PLOD2: variants seen among roughly 807,000 people sequenced by gnomAD.
The protein encoded by PLOD2 is procollagen-lysine,2-oxoglutarate 5-dioxygenase 2, also known as lysine hydroxylase 2.
PLOD2 carries 65 observed loss-of-function variants against 101.0 expected under a neutral mutation model. The ratio of observed to expected loss-of-function variants is 0.64; its 90% CI spans 0.53 to 0.79. The LOEUF is 0.79. PLOD2 is among the 30% of genes least tolerant of loss of function. The pLI is 0.00. For missense variants in PLOD2, 909 were observed against 914.6 expected (o/e 0.99, Z 0.08); for synonymous variants, 314 against 302.9 (o/e 1.04, Z -0.38).
intron 7 of PLOD2, among the ~76,000 whole-genome samples, chr3:146,101,498 T>C (rs1937388897): frequency 6.6e-6 from 1 of 152,176 alleles, no homozygotes; most frequent in Non-Finnish European, 1.5e-5. Flanking sequence ...AATCAATGAA[T>C]TGTCAGATGC....
At chr3:146,110,538 T>A in intron 3 of PLOD2, 90 bp from the exon 4 acceptor site, 1 of 1,029,852 alleles carries the variant, frequency 9.7e-7, no homozygotes, top group Admixed American at 2.2e-5. Flanking sequence ...AAAGTCAGAA[T>A]CAAGAATACA....
At chr3:146,081,216 C>A (rs1936528410) in intron 12 of PLOD2, among the ~76,000 whole-genome samples, 1 of 152,026 alleles carries the variant, frequency 6.6e-6, no homozygotes, top group African/African-American at 2.4e-5. Flanking sequence ...CAAATATATT[C>A]TTTTCAATCT....
intron 1 of PLOD2, among the ~76,000 whole-genome samples, chr3:146,147,673 C>A (rs537155856): frequency 6.6e-6 from 1 of 152,228 alleles, no homozygotes; most frequent in South Asian, 2.1e-4. Context: ...CCAGGGGGGA[C>A]AAAACCACTG....
At chr3:146,098,757 T>C (rs1937286945) in intron 7 of PLOD2, among the ~76,000 whole-genome samples, 2 of 152,114 alleles carry the variant, frequency 1.3e-5, no homozygotes, top group African/African-American at 4.8e-5. Context: ...CTTAAATGTT[T>C]AGTTCAATAT....
intron 1 of PLOD2, among the ~76,000 whole-genome samples, chr3:146,133,045 T>G (rs35520151): frequency 0.037 from 5,627 of 152,064 alleles, 170 homozygotes; most frequent in Non-Finnish European, 0.05. Flanking sequence ...GTGTGGTGGC[T>G]GGCACCTGTA....
chr3:146,103,681 C>T (rs1033943350), intron 6 of PLOD2, among the ~76,000 whole-genome samples: 1 of 151,914 alleles, frequency 6.6e-6, no homozygotes, highest in Non-Finnish European at 1.5e-5. Flanking sequence ...GCAATATATT[C>T]TCAATTTTTA....
rs1242513521 is a variant in PLOD2 at position 146,084,104 on chromosome 3, A to T, written c.1232+1065T>A. On this transcript the variant is annotated intron_variant, in intron 11 of 19. Transcript: ENST00000282903. ...GAAAACAATGCAAATTCAAGAAAAT[A>T]GTACTGAATTAAACTAGGTTTTAAG... is the stretch of plus-strand genomic sequence containing the variant. 3.3e-5 allele frequency among the ~76,000 whole-genome samples: 5 copies of T among 152,248 alleles called. No homozygotes were observed. The East Asian group carries it at 9.6e-4, about 29-fold the overall frequency.
chr3:146,127,152 T>C (rs1035920982), intron 1 of PLOD2, among the ~76,000 whole-genome samples: 16 of 152,226 alleles, frequency 1.1e-4, no homozygotes, highest in Non-Finnish European at 1.0e-4. Context: ...TGAGCTCAGC[T>C]GAATAGTTCT....
chr3:146,095,883 C>G (rs1937133975), intron 7 of PLOD2, among the ~76,000 whole-genome samples: 1 of 139,834 alleles, frequency 7.2e-6, no homozygotes, highest in African/African-American at 2.7e-5. Context: ...CCCCTCTCCC[C>G]TCTCCCCTCT....
At chr3:146,155,548 T>TA (rs35423942) in intron 1 of PLOD2, among the ~76,000 whole-genome samples, 47,239 of 146,040 alleles carry the variant, frequency 0.32, 7,669 homozygotes, top group South Asian at 0.41. Flanking sequence ...CCATCTCTAC[T>TA]AAAAAAAAAA....
At chr3:146,111,289 G>T (rs1937628020) in intron 3 of PLOD2, among the ~76,000 whole-genome samples, 1 of 152,024 alleles carries the variant, frequency 6.6e-6, no homozygotes, top group African/African-American at 2.4e-5. Flanking sequence ...ATAAATTAAT[G>T]ACTTACCATC....
At chr3:146,073,189 T>C in intron 16 of PLOD2, 98 bp downstream of exon 16, 1 of 567,614 alleles carries the variant, frequency 1.8e-6, no homozygotes, top group Non-Finnish European at 3.2e-6. Context: ...AAAAGGTAGT[T>C]TCTCCACTTT....
chr3:146,154,028 C>T (rs2032190027), intron 1 of PLOD2, among the ~76,000 whole-genome samples: 1 of 151,946 alleles, frequency 6.6e-6, no homozygotes, highest in Admixed American at 6.6e-5. Context: ...GTCTTATGCA[C>T]ACAAGATAAT....
intron 1 of PLOD2, among the ~76,000 whole-genome samples, chr3:146,129,540 G>A (rs2108107002): frequency 6.6e-6 from 1 of 152,174 alleles, no homozygotes; most frequent in South Asian, 2.1e-4. Context: ...GTCTGTAATA[G>A]CATCTACCTG....
intron 7 of PLOD2, among the ~76,000 whole-genome samples, chr3:146,100,880 G>C (rs918505024): frequency 2.6e-5 from 4 of 151,972 alleles, no homozygotes; most frequent in Non-Finnish European, 5.9e-5. Flanking sequence ...CAGGGTTTCT[G>C]CTTTGGCAGA....
At chr3:146,127,677 T>G (rs2030653243) in intron 1 of PLOD2, among the ~76,000 whole-genome samples, 1 of 152,144 alleles carries the variant, frequency 6.6e-6, no homozygotes, top group Admixed American at 6.6e-5. Flanking sequence ...CTTCTTTCCC[T>G]TTGAGTAGAT....
chr3:146,155,714 CA>C (rs766107067), intron 1 of PLOD2, among the ~76,000 whole-genome samples: 213 of 54,086 alleles, frequency 3.9e-3, no homozygotes, highest in South Asian at 0.01. Context: ...GACTCTGTCT[CA>C]AAAAAAAAAA....
chr3:146,071,192 G>T, intron 18 of PLOD2, 25 bp from the exon 19 acceptor site: 1 of 1,610,736 alleles, frequency 6.2e-7, no homozygotes, highest in Non-Finnish European at 8.5e-7. Flanking sequence ...TAAGCCAGTG[G>T]ATTTGCTTAT....
chr3:146,114,028 A>G (rs767713918), intron 3 of PLOD2, among the ~76,000 whole-genome samples: 30 of 151,994 alleles, frequency 2.0e-4, no homozygotes, highest in Non-Finnish European at 4.0e-4. Context: ...ATAAGGGATG[A>G]AATAGCCCCA....
Sources: allele counts gnomAD v4.1 joint callset (sites outside exome capture counted in the v4.1 genomes callset), GRCh38; gene constraint gnomAD v4.1.1; transcripts MANE v1.5; gene names NCBI Gene and HGNC (gene_info 2026-07-23, HGNC 2026-07-21).